NFYA: variants seen among roughly 807,000 people sequenced by gnomAD.
NFYA encodes CAAT-box DNA binding protein subunit A.
NFYA carries 28 observed loss-of-function variants against 52.8 expected under a neutral mutation model. That is an observed-to-expected ratio of 0.53 (90% CI 0.39 to 0.73). The LOEUF is 0.73. Ranked by LOEUF, NFYA falls within the 30% of genes least tolerant of loss-of-function variation. The pLI is 0.00. For synonymous variants in NFYA, 150 were observed against 150.7 expected (o/e 1.00, Z 0.03); for missense variants, 234 against 427.0 (o/e 0.55, Z 3.98).
chr6:41,097,258 A>T, intron 9 of NFYA, 99 bp from the exon 10 acceptor site: 1 of 1,080,854 alleles, frequency 9.3e-7, no homozygotes, highest in Non-Finnish European at 1.4e-6. Flanking sequence ...TTTACTTGGT[A>T]AAGTTATGTG....
chr6:41,094,715 A>C (rs944290195), intron 9 of NFYA, among the ~76,000 whole-genome samples: 1 of 152,134 alleles, frequency 6.6e-6, no homozygotes, highest in Admixed American at 6.5e-5. Flanking sequence ...TGGGAGGCTG[A>C]GGTGGGAAGC....
intron 3 of NFYA, among the ~76,000 whole-genome samples, chr6:41,081,272 G>A (rs961695228): frequency 3.3e-5 from 5 of 152,072 alleles, no homozygotes; most frequent in Non-Finnish European, 5.9e-5. Context: ...GGCGGATCAC[G>A]AGGTCAGGAG....
intron 4 of NFYA, among the ~76,000 whole-genome samples, chr6:41,084,816 G>A (rs1041858548): frequency 6.6e-5 from 10 of 152,190 alleles, no homozygotes; most frequent in Non-Finnish European, 1.3e-4. Context: ...TAAAAAATTA[G>A]CCGGGCGTGG....
intron 1 of NFYA, among the ~76,000 whole-genome samples, chr6:41,073,984 G>C (rs1763646651): frequency 6.6e-6 from 1 of 151,534 alleles, no homozygotes; most frequent in South Asian, 2.1e-4. Flanking sequence ...CTCACTCTTA[G>C]AAGATTGATA....
intron 2 of NFYA, among the ~76,000 whole-genome samples, chr6:41,079,950 T>C (rs1176027755): frequency 6.6e-6 from 1 of 152,174 alleles, no homozygotes; most frequent in African/African-American, 2.4e-5. Context: ...CCTGATAGCT[T>C]TCCCTTCCAT....
intron 3 of NFYA, among the ~76,000 whole-genome samples, chr6:41,083,286 G>C (rs1384123509): frequency 6.6e-6 from 1 of 152,154 alleles, no homozygotes; most frequent in East Asian, 1.9e-4. Context: ...TTGTACACTT[G>C]ACTGCTCTGT....
chr6:41,085,061 AAAAC>A (rs533528596), intron 4 of NFYA, among the ~76,000 whole-genome samples: 7 of 152,246 alleles, frequency 4.6e-5, no homozygotes, highest in Admixed American at 1.3e-4. Context: ...ATGGCAAAAA[AAAAC>A]AAAAAGTCAT....
At chr6:41,077,370 C>T (rs1763768000) in intron 1 of NFYA, among the ~76,000 whole-genome samples, 1 of 152,162 alleles carries the variant, frequency 6.6e-6, no homozygotes, top group Non-Finnish European at 1.5e-5. Flanking sequence ...CCTAAGGCTC[C>T]ATGCCAGTCA....
intron 4 of NFYA, among the ~76,000 whole-genome samples, chr6:41,085,073 CATT>C (rs1764008012): frequency 6.6e-6 from 1 of 151,892 alleles, no homozygotes; most frequent in Non-Finnish European, 1.5e-5. Flanking sequence ...AACAAAAAGT[CATT>C]ATATCCACTG....
chr6:41,076,280 C>G (rs946327040), intron 1 of NFYA, among the ~76,000 whole-genome samples: 2 of 152,124 alleles, frequency 1.3e-5, no homozygotes, highest in African/African-American at 4.8e-5. Flanking sequence ...CAAAGTGCAT[C>G]TTGTGTTGTA....
chr6:41,073,423 G>A (rs1291054651), intron 1 of NFYA, among the ~76,000 whole-genome samples: 1 of 151,872 alleles, frequency 6.6e-6, no homozygotes. Context: ...CTGGGGCCAC[G>A]AATGGCCCTA....
At chr6:41,074,574 A>G (rs912428478) in intron 1 of NFYA, among the ~76,000 whole-genome samples, 2 of 152,214 alleles carry the variant, frequency 1.3e-5, no homozygotes, top group Non-Finnish European at 2.9e-5. Context: ...GCTTGCTCGA[A>G]GAGAAGAAAA....
Position 41,101,688 on chromosome 6 carries a change from G to T in NFYA, c.*4278G>T, listed in dbSNP as rs2113834250. On this transcript the variant is annotated 3_prime_UTR_variant, in exon 10 of 10. Coordinates refer to ENST00000341376, the MANE Select transcript of NFYA (RefSeq NM_002505.5). ...GGTGCCTGTCCTCACTGTGTGAGTG[G>T]TTCTCTAGCCAGACATGAGGAGGGA... Among the ~76,000 whole-genome samples the T allele has an allele frequency of 6.6e-6, 1 of 152,256 alleles. No individual in the cohort carries two copies. The highest frequency in any genetic ancestry group is 2.1e-4 in the South Asian group (1 of 4,826).
Position 41,079,172 on chromosome 6 carries a change from A to G in NFYA, c.75+8A>G. 6.2e-7 allele frequency: 1 copy of G among 1,613,932 alleles called. No homozygotes were observed. The highest frequency in any genetic ancestry group is 8.5e-7 in the Non-Finnish European group (1 of 1,179,776). On this transcript the variant is annotated splice_region_variant and intron_variant, in intron 2 of 9. Coordinates refer to ENST00000341376, the MANE Select transcript of NFYA (RefSeq NM_002505.5). ...GGACAGATTCAGCAGCAGGTATGGA[A>G]GCAAAACTGCTTTAAACATTACAGC...
At chr6:41,093,797 T>C (rs1582036922) in intron 8 of NFYA, among the ~76,000 whole-genome samples, 1 of 152,228 alleles carries the variant, frequency 6.6e-6, no homozygotes, top group East Asian at 1.9e-4. Context: ...AAGGAAACTT[T>C]GAAGAAGTTG....
intron 1 of NFYA, among the ~76,000 whole-genome samples, chr6:41,077,924 T>A (rs533138342): frequency 6.6e-6 from 1 of 152,314 alleles, no homozygotes; most frequent in East Asian, 1.9e-4. Flanking sequence ...GTAATGGGGT[T>A]GATTAATTTT....
At chr6:41,075,703 T>C (rs2114082406) in intron 1 of NFYA, 1 of 148,810 alleles carries the variant, frequency 6.7e-6, no homozygotes, top group Non-Finnish European at 1.5e-5. Context: ...AGGCCTCTGA[T>C]AGCAAAGAAA....
chr6:41,101,944 G>C lies in NFYA; in HGVS notation c.*4534G>C, dbSNP rs1406287684. On this transcript the variant is annotated 3_prime_UTR_variant, in exon 10 of 10. Coordinates refer to ENST00000341376, the MANE Select transcript of NFYA (RefSeq NM_002505.5). ...TTTCCTTTACACTGGCCTGATGTGT[G>C]GGGAGAAAGGGGCCAAAAAGTTTAG... The C allele has an allele frequency of 6.6e-6, 1 of 152,226 alleles. No individual in the cohort carries two copies. The highest frequency in any genetic ancestry group is 2.4e-5 in the African/African-American group (1 of 41,450). 9.4% of individuals were successfully genotyped at this position (152,226 alleles called of 1,614,324 possible).
Position 41,093,096 on chromosome 6 carries a change from C to T in NFYA, c.888+11C>T. 1 of 1,611,888 alleles carries T rather than the reference C, an allele frequency of 6.2e-7. No individual in the cohort carries two copies. Among genetic ancestry groups the T allele is most frequent in the South Asian group, 1.1e-5 (1 of 90,804 alleles). ...CCAAAGGAGAGAAGGGTATGTATAA[C>T]ATTGGGAAGGATATAGGAAAGGAGA... On this transcript the variant is annotated intron_variant, in intron 8 of 9. Transcript: ENST00000341376.
Sources: allele counts gnomAD v4.1 joint callset (sites outside exome capture counted in the v4.1 genomes callset), GRCh38; gene constraint gnomAD v4.1.1; transcripts MANE v1.5; gene names NCBI Gene and HGNC (gene_info 2026-07-23, HGNC 2026-07-21).